Variants in ATP11A observed in about 807,000 individuals in gnomAD.
ATP11A encodes the protein phospholipid-transporting ATPase IH.
A neutral mutation model predicts 154.4 loss-of-function variants in ATP11A; 81 were observed. That is an observed-to-expected ratio of 0.52 (90% confidence interval 0.44 to 0.63). The LOEUF is 0.63. Ranked by LOEUF, ATP11A falls within the 30% of genes least tolerant of loss-of-function variation. The pLI, the probability that ATP11A is intolerant of heterozygous loss-of-function variation, is 0.00. For synonymous variants in ATP11A, 623 were observed against 585.9 expected, an observed-to-expected ratio of 1.06 and a Z score of -0.91; for missense variants, 1,316 against 1,474.3, an observed-to-expected ratio of 0.89 and a Z score of 1.76.
At chr13:112,844,330 A>G (rs1434554645) in intron 17 of ATP11A, among the ~76,000 whole-genome samples, 1 of 152,204 alleles carries the variant, frequency 6.6e-6, no homozygotes, top group Non-Finnish European at 1.5e-5. Context: ...TGTTTCAGAA[A>G]GTCTTCTTGA....
rs1016309905 is a variant in ATP11A at position 112,885,339 on chromosome 13, C to T, written c.*3473C>T. On this transcript the variant is annotated 3_prime_UTR_variant, in exon 30 of 30. Transcript: ENST00000375645. ...GAGACGTATGAGCTTCTACTGCACA[C>T]ATGCACACACACACGCACACGTACA... The T allele has an allele frequency of 2.6e-5, 4 of 152,324 alleles. No homozygotes were observed. The highest frequency in any genetic ancestry group is 7.2e-5 in the African/African-American group (3 of 41,514). 9.4% of individuals were successfully genotyped at this position (152,324 alleles called of 1,614,324 possible).
chr13:112,881,432 G>A, intron 29 of ATP11A: 1 of 1,056,488 alleles, frequency 9.5e-7, no homozygotes, highest in Non-Finnish European at 1.1e-6. Flanking sequence ...TTGTTCAAGG[G>A]TCTCTGGGTA....
chr13:112,711,630 G>A (rs1230138447), intron 1 of ATP11A, among the ~76,000 whole-genome samples: 1 of 152,160 alleles, frequency 6.6e-6, no homozygotes, highest in Non-Finnish European at 1.5e-5. Flanking sequence ...GGGACATCCC[G>A]TCAGCGGGCA....
At position 112,851,216 on chromosome 13, in the gene ATP11A, C is replaced by T. The variant is rs200143364; in HGVS notation, c.1989C>T (p.Asp663=). 21 of 1,611,736 alleles carry T rather than the reference C, an allele frequency of 1.3e-5. No individual in the cohort carries two copies. The highest frequency in any genetic ancestry group is 1.8e-5 in the Non-Finnish European group (21 of 1,178,706). ...LTLLGATAVE[D]RLQEKAADTI... Reference sequence around the variant, plus strand: ...TGCTTGGTGCTACAGCTGTTGAGGACCGGTAAAGTAAACGCATGCATCCCG... The same window carrying T: ...TGCTTGGTGCTACAGCTGTTGAGGATCGGTAAAGTAAACGCATGCATCCCG... Residue 663 remains aspartate, a splice_region_variant and synonymous_variant, in exon 18 of 30, where the codon GAC becomes GAT. Coordinates refer to ENST00000375645, the MANE Select transcript of ATP11A (RefSeq NM_015205.3).
At chr13:112,765,627 A>G (rs1282058385) in intron 1 of ATP11A, among the ~76,000 whole-genome samples, 1 of 152,228 alleles carries the variant, frequency 6.6e-6, no homozygotes, top group Admixed American at 6.5e-5. Flanking sequence ...GATCTTTTGA[A>G]TGAGTCACGG....
intron 1 of ATP11A, among the ~76,000 whole-genome samples, chr13:112,748,852 C>T (rs1566422149): frequency 6.6e-6 from 1 of 152,164 alleles, no homozygotes; most frequent in African/African-American, 2.4e-5. Context: ...AGTATGTGGT[C>T]GGATCTAACT....
chr13:112,814,364 A>AT (rs144857482), intron 5 of ATP11A, among the ~76,000 whole-genome samples: 1,756 of 145,912 alleles, frequency 0.012, 29 homozygotes, highest in African/African-American at 0.036. Context: ...CGCCTGGCTG[A>AT]TTTTTTTTTT....
At chr13:112,742,592 A>G (rs1891677571) in intron 1 of ATP11A, among the ~76,000 whole-genome samples, 1 of 152,214 alleles carries the variant, frequency 6.6e-6, no homozygotes, top group Non-Finnish European at 1.5e-5. Context: ...GCCACTTACG[A>G]TAATTCTGCG....
At chr13:112,782,389 C>G (rs1022561721) in intron 1 of ATP11A, among the ~76,000 whole-genome samples, 1 of 152,200 alleles carries the variant, frequency 6.6e-6, no homozygotes, top group Non-Finnish European at 1.5e-5. Context: ...AAGAAAGTTT[C>G]TAGGATTTTC....
chr13:112,811,156 C>G (rs12876145), intron 5 of ATP11A, among the ~76,000 whole-genome samples: 9,228 of 91,934 alleles, frequency 0.1, 465 homozygotes, highest in African/African-American at 0.22. Flanking sequence ...CCCACTGCCC[C>G]TTCCAACACA....
chr13:112,851,254 A>G, intron 18 of ATP11A, 36 bp downstream of exon 18: 1 of 1,591,806 alleles, frequency 6.3e-7, no homozygotes, highest in Middle Eastern at 1.7e-4. Flanking sequence ...CTGAGAGACA[A>G]ACTGGGATGC....
In ATP11A at chr13:112,742,657, G is replaced by T. The variant is rs565339078; in HGVS notation, c.40-42478G>T. Among the ~76,000 whole-genome samples the T allele has an allele frequency of 2.0e-3, 305 of 152,364 alleles. 3 individuals are homozygous for T. The highest frequency in any genetic ancestry group is 5.5e-3 in the African/African-American group (227 of 41,594). On this transcript the variant is annotated intron_variant, in intron 1 of 29. Coordinates refer to ENST00000375645, the MANE Select transcript of ATP11A (RefSeq NM_015205.3). ...AGCGCAACATCGGCTTCCTGAGGCA[G>T]TCTCAGCCTGCTCCATTTTATTTCA...
rs866190149 is a variant in ATP11A, at chr13:112,769,995, T to G, written c.40-15140T>G. Among the ~76,000 whole-genome samples the G allele has an allele frequency of 6.6e-5, 10 of 152,368 alleles. No homozygotes were observed. The South Asian group carries it at 1.9e-3, about 28-fold the overall frequency. On this transcript the variant is annotated intron_variant, in intron 1 of 29. Transcript: ENST00000375645. Reference sequence around the variant, plus strand: ...AAATCAGCGTTACGTTTGCTCCTGCTGCATTTCATGAGTCCAGCGGAGTCT... The same window carrying G: ...AAATCAGCGTTACGTTTGCTCCTGCGGCATTTCATGAGTCCAGCGGAGTCT...
intron 1 of ATP11A, among the ~76,000 whole-genome samples, chr13:112,715,359 C>T (rs1378664738): frequency 6.7e-6 from 1 of 149,816 alleles, no homozygotes; most frequent in Admixed American, 6.7e-5. Context: ...CAATCCCCTA[C>T]ACCTGGCCCA....
intron 25 of ATP11A, among the ~76,000 whole-genome samples, chr13:112,866,444 T>C (rs759408940): frequency 6.6e-6 from 1 of 151,810 alleles, no homozygotes; most frequent in African/African-American, 2.4e-5. Flanking sequence ...TCATGGGAGC[T>C]TCCCTCGATT....
Position 112,690,875 on chromosome 13 carries a change from T to A in ATP11A, c.39+420T>A, listed in dbSNP as rs951308115. On this transcript the variant is annotated intron_variant, in intron 1 of 29. Transcript: ENST00000375645. This position sits in a 1 kb window ranked among gnomAD's most constrained non-coding sequence, Gnocchi z 5.6. ...TTCAGATGCGGCTTCCGCGCAGCCG[T>A]GTCTGTAAGATTAAGGGATTGGGAG... Among the ~76,000 whole-genome samples the A allele has an allele frequency of 7.2e-5, 11 of 152,188 alleles. No individual in the cohort carries two copies. The highest frequency in any genetic ancestry group is 7.2e-4 in the Admixed American group (11 of 15,288).
At chr13:112,780,902 G>C (rs2077481713) in intron 1 of ATP11A, among the ~76,000 whole-genome samples, 1 of 152,168 alleles carries the variant, frequency 6.6e-6, no homozygotes, top group Admixed American at 6.5e-5. Flanking sequence ...TGAGCTGTGT[G>C]GCTGATCCTG....
chr13:112,740,253 C>T (rs978363266), intron 1 of ATP11A, among the ~76,000 whole-genome samples: 2 of 151,902 alleles, frequency 1.3e-5, no homozygotes, highest in Non-Finnish European at 2.9e-5. Flanking sequence ...TATCTCGGCT[C>T]ATTGCAACCT....
rs117943752 is a variant in ATP11A, at chr13:112,800,150, A to G, written c.163-4807A>G. On this transcript the variant is annotated intron_variant, in intron 2 of 29. Transcript: ENST00000375645. ...CAAAAAATTAATAATCAACATTAGA[A>G]CAGAAATTAATGAAATTGAAAACAG... Among the ~76,000 whole-genome samples the G allele has an allele frequency of 2.6e-3, 390 of 152,304 alleles. 2 individuals carry two copies. Among genetic ancestry groups the G allele is most frequent in the Non-Finnish European group, 3.4e-3 (231 of 68,024 alleles).
Sources: gnomAD v4.1 joint callset for allele counts (sites outside exome capture counted in the v4.1 genomes callset) on GRCh38, gnomAD v4.1.1 for gene constraint, Gnocchi (gnomAD v3.1) non-coding constraint, MANE v1.5 for transcripts, NCBI Gene and HGNC (gene_info 2026-07-23, HGNC 2026-07-21) for gene names.